Variants in TAOK1 observed in about 807,000 individuals in gnomAD.
The protein encoded by TAOK1 is TAO kinase 1, also known as serine/threonine-protein kinase TAO1.
Under a neutral mutation model 138.3 loss-of-function variants are expected in TAOK1, and 21 were observed. That is an observed-to-expected ratio of 0.15 (90% confidence interval 0.11 to 0.22). The LOEUF (loss-of-function observed/expected upper bound fraction) is 0.22, where lower values mean the gene tolerates loss of function less well. TAOK1 is among the 10% of genes least tolerant of loss of function. The pLI is 1.00. For missense variants in TAOK1, 651 were observed against 1,227.7 expected, an observed-to-expected ratio of 0.53 and a Z score of 7.02; for synonymous variants, 361 against 398.4, an observed-to-expected ratio of 0.91 and a Z score of 1.12.
At position 29,427,072 on chromosome 17, in the gene TAOK1, A is replaced by G. The variant is rs187809621; in HGVS notation, c.-94-24383A>G. Among the ~76,000 whole-genome samples, 74 of 152,276 alleles carry G rather than the reference A, an allele frequency of 4.9e-4. No homozygotes were observed. The East Asian group carries it at 0.014, about 28-fold the overall frequency. On this transcript the variant is annotated intron_variant, in intron 1 of 19. Coordinates refer to ENST00000261716, the MANE Select transcript of TAOK1 (RefSeq NM_020791.4). ...TAGGGAACAATGAAATAGATTCGGA[A>G]GGGTGGGTAGGATTTGTAGGCAGAC...
At chr17:29,527,539 C>T (rs2032032744) in intron 17 of TAOK1, among the ~76,000 whole-genome samples, 1 of 152,116 alleles carries the variant, frequency 6.6e-6, no homozygotes, top group African/African-American at 2.4e-5. Context: ...CTTGACCCCT[C>T]ACAAAATAAA....
chr17:29,518,866 A>C (rs2153030537), intron 16 of TAOK1, among the ~76,000 whole-genome samples: 1 of 152,176 alleles, frequency 6.6e-6, no homozygotes, highest in African/African-American at 2.4e-5. Context: ...TCCCAGGTTC[A>C]AGCAATTCTC....
intron 3 of TAOK1, among the ~76,000 whole-genome samples, chr17:29,475,053 G>A (rs2030913880): frequency 6.6e-6 from 1 of 151,912 alleles, no homozygotes. Context: ...CTATTCTCCT[G>A]CCTCAGCCTC....
At chr17:29,492,896 T>TCG (rs1567733904) in intron 10 of TAOK1, among the ~76,000 whole-genome samples, 3 of 152,224 alleles carry the variant, frequency 2.0e-5, no homozygotes, top group Non-Finnish European at 4.4e-5. Context: ...ACCCCAGCTC[T>TCG]TTGGGAGGCC....
intron 3 of TAOK1, among the ~76,000 whole-genome samples, chr17:29,473,415 C>A (rs570847771): frequency 6.6e-6 from 1 of 152,182 alleles, no homozygotes; most frequent in South Asian, 2.1e-4. Flanking sequence ...GTAGGTGGAT[C>A]ACTTGAGGCC....
intron 17 of TAOK1, among the ~76,000 whole-genome samples, chr17:29,527,884 A>G (rs2032038173): frequency 6.6e-6 from 1 of 152,206 alleles, no homozygotes; most frequent in Non-Finnish European, 1.5e-5. Flanking sequence ...CAAACACTAA[A>G]GCCAAAGATC....
chr17:29,418,660 G>A (rs1453809422), intron 1 of TAOK1, among the ~76,000 whole-genome samples: 3 of 152,190 alleles, frequency 2.0e-5, no homozygotes, highest in African/African-American at 7.2e-5. Context: ...TAAATCTTCT[G>A]TAGATTACTT....
chr17:29,401,809 T>A (rs965991015), intron 1 of TAOK1, among the ~76,000 whole-genome samples: 3 of 151,912 alleles, frequency 2.0e-5, no homozygotes, highest in Non-Finnish European at 4.4e-5. Flanking sequence ...CCTGGCTAAT[T>A]TTTGTACTTT....
intron 17 of TAOK1, among the ~76,000 whole-genome samples, chr17:29,525,146 C>G (rs1405551268): frequency 6.6e-6 from 1 of 151,866 alleles, no homozygotes; most frequent in Admixed American, 6.6e-5. Flanking sequence ...GAGTTTCGCT[C>G]TTATTGCCCA....
intron 17 of TAOK1, among the ~76,000 whole-genome samples, chr17:29,530,156 T>A (rs1819687216): frequency 6.6e-6 from 1 of 152,224 alleles, no homozygotes; most frequent in Admixed American, 6.5e-5. Context: ...TTGTTACAAG[T>A]CCTATCATAA....
Position 29,432,155 on chromosome 17 carries a change from T to G in TAOK1, c.-94-19300T>G, listed in dbSNP as rs528155588. On this transcript the variant is annotated intron_variant, in intron 1 of 19. Coordinates refer to ENST00000261716, the MANE Select transcript of TAOK1 (RefSeq NM_020791.4). ...TCAGAGCTGAGAGCCTCAAACAGAG[T>G]TTTACCCACATATTTATTGACAGCA... 9.9e-5 allele frequency among the ~76,000 whole-genome samples: 15 copies of G among 152,094 alleles called. No homozygotes were observed. In the East Asian group the frequency reaches 2.5e-3, roughly 25 times the overall value.
At chr17:29,433,642 A>T (rs6505133) in intron 1 of TAOK1, among the ~76,000 whole-genome samples, 1 of 151,704 alleles carries the variant, frequency 6.6e-6, no homozygotes, top group East Asian at 1.9e-4. Context: ...CCACAAGGCC[A>T]GAGTCTCCTG....
At chr17:29,449,460 A>G (rs1275962849) in intron 1 of TAOK1, among the ~76,000 whole-genome samples, 1 of 152,240 alleles carries the variant, frequency 6.6e-6, no homozygotes, top group African/African-American at 2.4e-5. Context: ...TGTATTTTAT[A>G]TAGTTACAAA....
chr17:29,528,998 G>A (rs2032059979), intron 17 of TAOK1, among the ~76,000 whole-genome samples: 1 of 133,968 alleles, frequency 7.5e-6, no homozygotes. Flanking sequence ...AGAGACCAGT[G>A]TCTCACTCTA....
At chr17:29,489,125 C>A (rs960623091) in intron 8 of TAOK1, among the ~76,000 whole-genome samples, 4 of 152,108 alleles carry the variant, frequency 2.6e-5, no homozygotes, top group Admixed American at 2.6e-4. Flanking sequence ...TTCTTCTTTA[C>A]AGGAAATATA....
At chr17:29,433,690 TC>T (rs1286246722) in intron 1 of TAOK1, among the ~76,000 whole-genome samples, 2 of 149,936 alleles carry the variant, frequency 1.3e-5, no homozygotes, top group Non-Finnish European at 3.0e-5. Context: ...AATCTCAGGT[TC>T]CACACAGGAA....
In TAOK1 at chr17:29,401,464, G is replaced by A. The variant is rs192309086; in HGVS notation, c.-95+10440G>A. Among the ~76,000 whole-genome samples, 22 of 152,150 alleles carry A rather than the reference G, an allele frequency of 1.4e-4. No individual in the cohort carries two copies. The East Asian group carries it at 3.3e-3, about 23-fold the overall frequency. On this transcript the variant is annotated intron_variant, in intron 1 of 19. Transcript: ENST00000261716. Reference sequence around the variant, plus strand: ...GTGTGGACACGCAAGCGAGTGAAGGGGGAAGTGCTACAAACTTTCCACTTT... The same window carrying A: ...GTGTGGACACGCAAGCGAGTGAAGGAGGAAGTGCTACAAACTTTCCACTTT...
intron 1 of TAOK1, among the ~76,000 whole-genome samples, chr17:29,422,678 C>T (rs947744271): frequency 3.9e-5 from 6 of 152,162 alleles, no homozygotes; most frequent in African/African-American, 1.4e-4. Flanking sequence ...ATTCCTGATA[C>T]TGGTAATTTG....
rs201800091 is a variant in TAOK1, at chr17:29,447,663, T to TA, written c.-94-3792_-94-3791insA. ...CTTTTTATTTTATTTTATTTTATTT[T>TA]TTTTTTTTTTTGAGACAGAGTGTCG... is the stretch of plus-strand genomic sequence containing the variant. On this transcript the variant is annotated intron_variant, in intron 1 of 19. Coordinates refer to ENST00000261716, the MANE Select transcript of TAOK1 (RefSeq NM_020791.4). Among the ~76,000 whole-genome samples, 126 of 149,120 alleles carry TA rather than the reference T, an allele frequency of 8.4e-4. No individual in the cohort carries two copies. The South Asian group carries it at 8.6e-3, about 10-fold the overall frequency.
Sources: allele counts gnomAD v4.1 joint callset (sites outside exome capture counted in the v4.1 genomes callset), GRCh38; gene constraint gnomAD v4.1.1; transcripts MANE v1.5; gene names NCBI Gene and HGNC (gene_info 2026-07-23, HGNC 2026-07-21).